PARD3B: variants seen among roughly 807,000 people sequenced by gnomAD.
PARD3B encodes partitioning defective 3 homolog B.
In PARD3B, 103 loss-of-function variants were observed where a neutral mutation model predicts 130.2. The observed-to-expected ratio is 0.79, with a 90% CI of 0.67 to 0.93. PARD3B has a LOEUF of 0.93. Ranked by LOEUF, PARD3B falls within the 40% of genes least tolerant of loss-of-function variation. The pLI is 0.00. For missense variants in PARD3B, 1,609 were observed against 1,499.2 expected, an observed-to-expected ratio of 1.07 and a Z score of -1.21; for synonymous variants, 583 against 553.2, an observed-to-expected ratio of 1.05 and a Z score of -0.76.
intron 16 of PARD3B, among the ~76,000 whole-genome samples, chr2:205,250,226 GTCT>G (rs72367252): frequency 0.035 from 5,272 of 151,224 alleles, 113 homozygotes; most frequent in Middle Eastern, 0.058. Flanking sequence ...TTTTTTTAGT[GTCT>G]TCTTTTTTTT....
At chr2:205,600,091 C>T (rs2105751997) in intron 22 of PARD3B, among the ~76,000 whole-genome samples, 1 of 152,292 alleles carries the variant, frequency 6.6e-6, no homozygotes, top group South Asian at 2.1e-4. Flanking sequence ...ACTTTTCCTG[C>T]CTGTCTTTGA....
chr2:204,825,632 G>A (rs978902664), intron 2 of PARD3B, among the ~76,000 whole-genome samples: 3 of 152,180 alleles, frequency 2.0e-5, no homozygotes, highest in African/African-American at 7.2e-5. Flanking sequence ...CTGAGGATCT[G>A]GCATTGGAGA....
At position 205,456,948 on chromosome 2, in the gene PARD3B, C is replaced by T. The variant is rs534485292; in HGVS notation, c.3044+16276C>T. On this transcript the variant is annotated intron_variant, in intron 20 of 22. Coordinates refer to ENST00000406610, the MANE Select transcript of PARD3B (RefSeq NM_001302769.2). ...CATAAATTTAATAAATTTAATAAAT[C>T]GTTTAATAATTATATATATTTAATT... 4.9e-4 allele frequency among the ~76,000 whole-genome samples: 74 copies of T among 149,708 alleles called. 2 individuals carry two copies. The highest frequency in any genetic ancestry group is 7.1e-3 in the Middle Eastern group (2 of 282).
Position 205,436,455 on chromosome 2 carries a change from C to T in PARD3B, c.2742-3915C>T, listed in dbSNP as rs184657257. 1.1e-3 allele frequency among the ~76,000 whole-genome samples: 165 copies of T among 152,104 alleles called. 2 individuals are homozygous for T. Among genetic ancestry groups the T allele is most frequent in the Non-Finnish European group, 1.4e-3 (97 of 67,966 alleles). On this transcript the variant is annotated intron_variant, in intron 19 of 22. Coordinates refer to ENST00000406610, the MANE Select transcript of PARD3B (RefSeq NM_001302769.2). ...CCAGCATGAGTTTGCCTGCATTTGT[C>T]GATTACTTGATTTTCCTCCTTGAGA...
intron 3 of PARD3B, among the ~76,000 whole-genome samples, chr2:205,035,577 G>A (rs993209553): frequency 1.3e-5 from 2 of 151,712 alleles, no homozygotes; most frequent in Non-Finnish European, 2.9e-5. Flanking sequence ...AAACAGCACA[G>A]CCACATCATT....
At chr2:205,172,468 T>C (rs2035229245) in intron 12 of PARD3B, 87 bp downstream of exon 12, 2 of 1,355,050 alleles carry the variant, frequency 1.5e-6, no homozygotes, top group South Asian at 1.5e-5. Context: ...GCAGCTAGAT[T>C]CATATCGAGA....
At chr2:205,523,915 C>G (rs1330425556) in intron 21 of PARD3B, among the ~76,000 whole-genome samples, 1 of 142,802 alleles carries the variant, frequency 7.0e-6, no homozygotes. Flanking sequence ...ATATATAAAT[C>G]TAAATACTTC....
intron 20 of PARD3B, among the ~76,000 whole-genome samples, chr2:205,475,566 A>C (rs1423289600): frequency 1.3e-5 from 2 of 152,158 alleles, no homozygotes; most frequent in African/African-American, 4.8e-5. Context: ...AGATTCAGGA[A>C]GATCATTTGC....
At chr2:204,843,465 C>T (rs1379276163) in intron 2 of PARD3B, among the ~76,000 whole-genome samples, 3 of 152,030 alleles carry the variant, frequency 2.0e-5, no homozygotes, top group Non-Finnish European at 4.4e-5. Flanking sequence ...TCTTGGTTGA[C>T]TGCAACCTCC....
chr2:205,273,961 C>T (rs2040841668), intron 16 of PARD3B, among the ~76,000 whole-genome samples: 1 of 152,086 alleles, frequency 6.6e-6, no homozygotes, highest in Non-Finnish European at 1.5e-5. Flanking sequence ...TATCAGCAGT[C>T]CCCCAGGGGT....
chr2:204,754,170 T>A (rs748615831), intron 2 of PARD3B, among the ~76,000 whole-genome samples: 23 of 152,246 alleles, frequency 1.5e-4, no homozygotes, highest in Middle Eastern at 3.4e-3. Context: ...CAAAATGGGA[T>A]CCATGGACTT....
intron 3 of PARD3B, among the ~76,000 whole-genome samples, chr2:204,982,106 T>G (rs1478338706): frequency 1.3e-5 from 2 of 152,058 alleles, no homozygotes. Flanking sequence ...AAGGGAGACT[T>G]TTATTTTTTA....
chr2:204,854,171 G>A (rs2044826218), intron 2 of PARD3B, among the ~76,000 whole-genome samples: 2 of 152,180 alleles, frequency 1.3e-5, no homozygotes, highest in African/African-American at 2.4e-5. Flanking sequence ...GCTTGGAGGG[G>A]TAGGTGGAAA....
intron 3 of PARD3B, among the ~76,000 whole-genome samples, chr2:204,998,572 AC>A (rs1426498654): frequency 4.8e-5 from 7 of 145,872 alleles, no homozygotes; most frequent in African/African-American, 1.8e-4. Flanking sequence ...GAAATGAAAA[AC>A]TTTTTTTTTA....
chr2:205,142,622 G>T lies in PARD3B; in HGVS notation c.1435-16100G>T. On this transcript the variant is annotated intron_variant, in intron 10 of 22. Coordinates refer to ENST00000406610, the MANE Select transcript of PARD3B (RefSeq NM_001302769.2). This position sits in a 1 kb window ranked among gnomAD's most constrained non-coding sequence, Gnocchi z 4.3. ...CAACCAGGCACAGTGGCTCACGCCTGTAATCCCAACACTTTGGGAGGCCGA... is the reference window on the plus strand; with the variant it reads ...CAACCAGGCACAGTGGCTCACGCCTTTAATCCCAACACTTTGGGAGGCCGA... 6.6e-6 allele frequency among the ~76,000 whole-genome samples: 1 copy of T among 152,162 alleles called. No homozygotes were observed. Among genetic ancestry groups the T allele is most frequent in the Non-Finnish European group, 1.5e-5 (1 of 68,034 alleles).
rs113931427 is a variant in PARD3B, at chr2:205,249,775, G to T, written c.2185+3953G>T. ...GAGAGACATTTAAGTCTATGGTATG[G>T]TGAGACCTGCCCGGAGAAGTTAGAA... On this transcript the variant is annotated intron_variant, in intron 16 of 22. Coordinates refer to ENST00000406610, the MANE Select transcript of PARD3B (RefSeq NM_001302769.2). Among the ~76,000 whole-genome samples, 959 of 152,144 alleles carry T rather than the reference G, an allele frequency of 6.3e-3. 8 individuals carry two copies. The highest frequency in any genetic ancestry group is 0.01 in the Non-Finnish European group (685 of 67,960).
intron 10 of PARD3B, among the ~76,000 whole-genome samples, chr2:205,138,573 A>AT (rs1278685033): frequency 4.6e-5 from 7 of 152,130 alleles, no homozygotes; most frequent in South Asian, 4.1e-4. Flanking sequence ...AGGGAGAAGA[A>AT]TTTTTTTTAT....
rs1186618686 is a variant in PARD3B at position 205,263,145 on chromosome 2, T to A, written c.2185+17323T>A. ...AGATATGTTATTCCCTTTTCTAAGCTCATCTGTGTTCTGAATCTGTACCCA... is the reference window on the plus strand; with the variant it reads ...AGATATGTTATTCCCTTTTCTAAGCACATCTGTGTTCTGAATCTGTACCCA... On this transcript the variant is annotated intron_variant, in intron 16 of 22. Coordinates refer to ENST00000406610, the MANE Select transcript of PARD3B (RefSeq NM_001302769.2). The surrounding 1 kb of genome is among the most constrained non-coding windows in gnomAD (Gnocchi z 4.0). Among the ~76,000 whole-genome samples the A allele has an allele frequency of 6.6e-6, 1 of 152,084 alleles. No homozygotes were observed. Among genetic ancestry groups the A allele is most frequent in the Non-Finnish European group, 1.5e-5 (1 of 67,992 alleles).
intron 2 of PARD3B, among the ~76,000 whole-genome samples, chr2:204,801,137 G>A (rs879610897): frequency 6.6e-6 from 1 of 152,150 alleles, no homozygotes; most frequent in Non-Finnish European, 1.5e-5. Context: ...TATAGTTTAA[G>A]TCAGGTAGAG....
Sources: allele counts gnomAD v4.1 joint callset (sites outside exome capture counted in the v4.1 genomes callset), GRCh38; gene constraint gnomAD v4.1.1; non-coding constraint Gnocchi (gnomAD v3.1); transcripts MANE v1.5; gene names NCBI Gene and HGNC (gene_info 2026-07-23, HGNC 2026-07-21).